The following VWA5A variants were observed in gnomAD, a reference collection of about 807,000 sequenced individuals.
VWA5A encodes the protein von Willebrand factor A domain containing 5A.
In VWA5A, 77 loss-of-function variants were observed where a neutral mutation model predicts 84.6. The observed-to-expected ratio is 0.91, with a 90% CI of 0.76 to 1.10. VWA5A has a LOEUF of 1.10. Ranked by LOEUF, VWA5A falls within the 50% of genes least tolerant of loss-of-function variation. The probability of loss-of-function intolerance (pLI) is 0.00; values close to 1 mark genes in which losing one functional copy is unlikely to be tolerated. For synonymous variants in VWA5A, 334 were observed against 350.1 expected, an observed-to-expected ratio of 0.95 and a Z score of 0.51; for missense variants, 973 against 963.0, an observed-to-expected ratio of 1.01 and a Z score of -0.14.
chr11:124,119,888 T>C (rs1250690834), intron 7 of VWA5A, among the ~76,000 whole-genome samples: 3 of 152,254 alleles, frequency 2.0e-5, no homozygotes, highest in Non-Finnish European at 4.4e-5. Flanking sequence ...GTCATTGTGA[T>C]TAGATTGACT....
chr11:124,135,311 G>C (rs1427274892), intron 12 of VWA5A, among the ~76,000 whole-genome samples: 1 of 152,140 alleles, frequency 6.6e-6, no homozygotes, highest in Non-Finnish European at 1.5e-5. Flanking sequence ...TTTAAGACCA[G>C]ACACAGACAA....
At chr11:124,145,487 C>T (rs1860803553) in intron 18 of VWA5A, 124 bp downstream of exon 18, 2 of 1,345,200 alleles carry the variant, frequency 1.5e-6, no homozygotes, top group Admixed American at 5.9e-5. Flanking sequence ...AATCTTTCTG[C>T]TAGTTCTTTT....
At chr11:124,142,127 T>G (rs1404887762) in intron 16 of VWA5A, among the ~76,000 whole-genome samples, 1 of 152,148 alleles carries the variant, frequency 6.6e-6, no homozygotes, top group Non-Finnish European at 1.5e-5. Flanking sequence ...CCTTGAAACC[T>G]GCTATCCCAG....
In VWA5A at chr11:124,116,583, G is replaced by A. The variant is rs549441148; in HGVS notation, c.-113G>A. 3.3e-5 allele frequency: 5 copies of A among 152,322 alleles called. No individual in the cohort carries two copies. The highest frequency in any genetic ancestry group is 7.3e-5 in the Non-Finnish European group (5 of 68,190). The allele number at this position is 152,322 out of a possible 1,614,324, so 9.4% of individuals were successfully genotyped here. On this transcript the variant is annotated 5_prime_UTR_variant, in exon 2 of 19. Transcript: ENST00000456829. Reference sequence around the variant, plus strand: ...TCCCCCAGCCCAGCCTGTTCTACCAGAGAACTTGCCCAGGTCAGAGGTCTG... The same window carrying A: ...TCCCCCAGCCCAGCCTGTTCTACCAAAGAACTTGCCCAGGTCAGAGGTCTG...
At chr11:124,141,197 A>T (rs549394085) in intron 15 of VWA5A, among the ~76,000 whole-genome samples, 4 of 152,212 alleles carry the variant, frequency 2.6e-5, no homozygotes, top group Non-Finnish European at 5.9e-5. Context: ...AATGATCTGG[A>T]TGCAGCATCA....
At chr11:124,124,365 A>G (rs773757930) in intron 11 of VWA5A, 49 bp downstream of exon 11, 27 of 1,603,828 alleles carry the variant, frequency 1.7e-5, no homozygotes, top group Middle Eastern at 3.3e-4. Flanking sequence ...GTAGTGACAC[A>G]CAGACTCTAG....
chr11:124,135,410 C>T (rs1865160212), intron 12 of VWA5A, among the ~76,000 whole-genome samples: 1 of 148,200 alleles, frequency 6.7e-6, no homozygotes, highest in Non-Finnish European at 1.5e-5. Flanking sequence ...GCAAAAGATA[C>T]AAAGAAAAGG....
chr11:124,128,662 C>G (rs116491068), intron 11 of VWA5A, among the ~76,000 whole-genome samples: 1 of 152,204 alleles, frequency 6.6e-6, no homozygotes, highest in South Asian at 2.1e-4. Flanking sequence ...TTTCCTTGAA[C>G]GGTGGTTTTT....
At chr11:124,141,108 T>TCGGAATGATCGGAAATA in intron 15 of VWA5A, among the ~76,000 whole-genome samples, 1 of 152,350 alleles carries the variant, frequency 6.6e-6, no homozygotes, top group Admixed American at 6.5e-5. Context: ...AGTTTTCAGA[T>TCGGAATGATCGGAAATA]ACTTTAATGA....
chr11:124,140,036 T>C (rs1860696944), intron 15 of VWA5A, among the ~76,000 whole-genome samples: 1 of 152,228 alleles, frequency 6.6e-6, no homozygotes, highest in Non-Finnish European at 1.5e-5. Context: ...TTTTTCTGCA[T>C]CTATTGAAAT....
intron 11 of VWA5A, among the ~76,000 whole-genome samples, chr11:124,125,788 T>G (rs1477214976): frequency 6.6e-6 from 1 of 152,262 alleles, no homozygotes; most frequent in East Asian, 1.9e-4. Context: ...TGACTGTATG[T>G]TCTAGAAATA....
At chr11:124,118,093 C>G in intron 4 of VWA5A, 96 bp from the exon 5 acceptor site, 4 of 1,375,000 alleles carry the variant, frequency 2.9e-6, no homozygotes, top group Non-Finnish European at 2.0e-6. Flanking sequence ...TTAGACAAGA[C>G]CAATCACACA....
At chr11:124,123,607 A>T in intron 9 of VWA5A, 53 bp from the exon 10 acceptor site, 1 of 1,614,030 alleles carries the variant, frequency 6.2e-7, no homozygotes, top group Non-Finnish European at 8.5e-7. Flanking sequence ...GGGACTCTAT[A>T]CTGGGCAAGG....
At chr11:124,139,682 A>G (rs1591366013) in intron 15 of VWA5A, among the ~76,000 whole-genome samples, 1 of 145,522 alleles carries the variant, frequency 6.9e-6, no homozygotes, top group South Asian at 2.2e-4. Flanking sequence ...TCTATTTAAC[A>G]GGTGTTTTTT....
chr11:124,139,888 G>A (rs972184684), intron 15 of VWA5A, among the ~76,000 whole-genome samples: 39 of 152,090 alleles, frequency 2.6e-4, no homozygotes, highest in African/African-American at 9.4e-4. Context: ...GATTTTAGAG[G>A]AAATGCTTTC....
Position 124,119,046 on chromosome 11 carries a change from C to T in VWA5A, c.717C>T (p.Thr239=). 6.2e-7 allele frequency: 1 copy of T among 1,614,204 alleles called. No individual in the cohort carries two copies. Among genetic ancestry groups the T allele is most frequent in the African/African-American group, 1.3e-5 (1 of 75,060 alleles). Residue 239 remains threonine, a synonymous_variant, in exon 7 of 19, where the codon ACC becomes ACT. Transcript: ENST00000456829. The stretch of plus-strand genomic sequence containing the variant: ...TGATTTACTACAATGAGGTGCATAC[C>T]CCCAGCGTGGTTTTGGAGATGGGGA... The part of the protein sequence containing the change: ...ELLIYYNEVH[T]PSVVLEMGMP...
chr11:124,123,416 C>T lies in VWA5A; in HGVS notation c.981C>T (p.Asn327=), dbSNP rs750538119. 1.2e-6 allele frequency: 2 copies of T among 1,614,078 alleles called. No individual in the cohort carries two copies. The highest frequency in any genetic ancestry group is 1.3e-5 in the African/African-American group (1 of 75,038). ...LKSLPIGCYF[N]IYGFGSSYEA... ...GTTTACCTATAGGCTGTTATTTCAA[C>T]ATCTATGGATTTGGCTCTTCCTATG... Residue 327 remains asparagine (N), a synonymous_variant, in exon 9 of 19, where the codon AAC becomes AAT. Transcript: ENST00000456829.
At chr11:124,136,339 A>G (rs1210934619) in intron 13 of VWA5A, 46 bp downstream of exon 13, 1 of 1,589,826 alleles carries the variant, frequency 6.3e-7, no homozygotes, top group Middle Eastern at 1.9e-4. Flanking sequence ...GAGCTACCAC[A>G]TGACCATTCC....
chr11:124,119,057 T>C lies in VWA5A; in HGVS notation c.728T>C (p.Val243Ala), dbSNP rs1864889870. 3.1e-6 allele frequency: 5 copies of C among 1,614,172 alleles called. No individual in the cohort carries two copies. The highest frequency in any genetic ancestry group is 3.4e-6 in the Non-Finnish European group (4 of 1,180,036). The stretch of plus-strand genomic sequence containing the variant: ...AATGAGGTGCATACCCCCAGCGTGG[T>C]TTTGGAGATGGGGATGCCTAACATG... ...YYNEVHTPSV[V>A]LEMGMPNMKP... Residue 243 changes from valine to alanine, a missense_variant, in exon 7 of 19, where the codon GTT becomes GCT. Coordinates refer to ENST00000456829, the MANE Select transcript of VWA5A (RefSeq NM_001130142.2).
Sources: gnomAD v4.1 joint callset for allele counts (sites outside exome capture counted in the v4.1 genomes callset) on GRCh38, gnomAD v4.1.1 for gene constraint, MANE v1.5 for transcripts, NCBI Gene and HGNC (gene_info 2026-07-23, HGNC 2026-07-21) for gene names.